SLC27A1: variants seen among roughly 807,000 people sequenced by gnomAD.
SLC27A1 encodes the protein solute carrier family 27 member 1, also known as long-chain fatty acid transport protein 1.
In SLC27A1, 61 loss-of-function variants were observed where a neutral mutation model predicts 62.2. The observed-to-expected ratio is 0.98, with a 90% confidence interval of 0.80 to 1.21. The LOEUF is 1.21. Among genes scored for constraint, SLC27A1 ranks in the 50% most tolerant of loss-of-function variants. The pLI, the probability that SLC27A1 is intolerant of heterozygous loss-of-function variation, is 0.00. For missense variants in SLC27A1, 903 were observed against 932.1 expected (o/e 0.97, Z 0.41); for synonymous variants, 435 against 408.6 (o/e 1.06, Z -0.78).
rs1255636334 is a variant in SLC27A1, at chr19:17,486,714, G to A, written c.319G>A (p.Ala107Thr). ...CGGGACCGGCGAGTGCTGGACCTTT[G>A]CGCAGCTGGACGCCTACTCCAATGC... The part of the protein sequence containing the change: ...DAGTGECWTF[A>T]QLDAYSNAVA... The change falls in exon 2 of 12, where the codon GCG becomes ACG. Residue 107 changes from alanine to threonine, a missense_variant. Physicochemically the swap from Ala to Thr is moderately conservative, Grantham distance 58 (BLOSUM62 0). Transcript: ENST00000252595. The surrounding 1 kb of genome is among the most constrained non-coding windows in gnomAD (Gnocchi z 6.6). The A allele has an allele frequency of 6.2e-7, 1 of 1,612,136 alleles. No homozygotes were observed. Among genetic ancestry groups the A allele is most frequent in the African/African-American group, 1.3e-5 (1 of 74,936 alleles).
chr19:17,500,276 A>G lies in SLC27A1; in HGVS notation c.1207-2A>G. ...CTTCCAACTCAGTTCACCCCATTCC[A>G]GGTCGGCTCCTGTGGTTTCAACAGC... On this transcript the variant is annotated splice_acceptor_variant, in intron 7 of 11. Transcript: ENST00000252595. LOFTEE classifies it high-confidence loss of function. The G allele has an allele frequency of 6.2e-7, 1 of 1,613,562 alleles. No individual in the cohort carries two copies. The highest frequency in any genetic ancestry group is 2.2e-5 in the East Asian group (1 of 44,870).
chr19:17,488,122 G>A (rs2075256334), intron 4 of SLC27A1, among the ~76,000 whole-genome samples: 1 of 152,220 alleles, frequency 6.6e-6, no homozygotes, highest in Non-Finnish European at 1.5e-5. Context: ...ACTTTGGGAG[G>A]CTGAGGCAGG....
At chr19:17,474,348 A>T (rs560900588) in intron 1 of SLC27A1, among the ~76,000 whole-genome samples, 303 of 152,206 alleles carry the variant, frequency 2.0e-3, no homozygotes, top group Non-Finnish European at 3.6e-3. Context: ...CCTGCGCCCC[A>T]CTCAGGATTG....
chr19:17,470,758 G>A lies in SLC27A1; in HGVS notation c.167+51G>A, dbSNP rs7248545. ...GGCTGGGGGCGGGGCTGAGGGCTCT[G>A]GGGGCGCACGGTGCAGGGCTGGGTT... is the stretch of plus-strand genomic sequence containing the variant. On this transcript the variant is annotated intron_variant, in intron 1 of 11. Coordinates refer to ENST00000252595, the MANE Select transcript of SLC27A1 (RefSeq NM_198580.3). 1.1e-4 allele frequency: 162 copies of A among 1,506,338 alleles called. 1 individual carries two copies. In the African/African-American group the frequency reaches 1.7e-3, roughly 16 times the overall value. 93.3% of individuals were successfully genotyped at this position (1,506,338 alleles called of 1,614,324 possible). A position where few individuals can be genotyped will look rare whatever the true frequency, so the allele number is the denominator to read the frequency against.
In SLC27A1 at chr19:17,500,475, G is replaced by T; in HGVS notation, c.1334-20G>T. The T allele has an allele frequency of 1.9e-6, 3 of 1,613,276 alleles. No individual in the cohort carries two copies. The highest frequency in any genetic ancestry group is 2.5e-6 in the Non-Finnish European group (3 of 1,179,546). On this transcript the variant is annotated intron_variant, in intron 8 of 11. Transcript: ENST00000252595. Reference sequence around the variant, plus strand: ...ACGCCCTGCCTGCCTAGCGCAGCCTGAACATGGCCTTCTCCCTAGGGGAGC... The same window carrying T: ...ACGCCCTGCCTGCCTAGCGCAGCCTTAACATGGCCTTCTCCCTAGGGGAGC...
At chr19:17,470,823 T>C (rs2075068913) in intron 1 of SLC27A1, 116 bp downstream of exon 1, 1 of 597,300 alleles carries the variant, frequency 1.7e-6, no homozygotes, top group African/African-American at 2.9e-5. Context: ...TGAGGGTGCT[T>C]TGTAGGTTGG....
rs1221179446 is a variant in SLC27A1 at position 17,486,750 on chromosome 19, C to T, written c.355C>T (p.Leu119Phe). ...CGCCTACTCCAATGCGGTAGCCAACCTCTTCCGCCAGCTGGGCTTCGCGCC... is the reference window on the plus strand; with the variant it reads ...CGCCTACTCCAATGCGGTAGCCAACTTCTTCCGCCAGCTGGGCTTCGCGCC... ...LDAYSNAVAN[L>F]FRQLGFAPGD... The change falls in exon 2 of 12, where the codon CTC becomes TTC. Residue 119 changes from leucine (L) to phenylalanine (F), a missense_variant. Leu to Phe is a conservative substitution (Grantham distance 22). Coordinates refer to ENST00000252595, the MANE Select transcript of SLC27A1 (RefSeq NM_198580.3). This position sits in a 1 kb window ranked among gnomAD's most constrained non-coding sequence, Gnocchi z 6.6. 2.5e-6 allele frequency: 4 copies of T among 1,609,702 alleles called. No individual in the cohort carries two copies. The highest frequency in any genetic ancestry group is 8.5e-7 in the Non-Finnish European group (1 of 1,177,894).
At chr19:17,470,490 T>G (rs1278172543), upstream of SLC27A1, 3 of 1,418,748 alleles carry the variant, frequency 2.1e-6, no homozygotes, top group African/African-American at 1.8e-5. Flanking sequence ...GAGCGGGTCG[T>G]GGGGCGGGGC....
chr19:17,497,546 A>G (rs781468629), intron 7 of SLC27A1, 82 bp downstream of exon 7: 14 of 1,288,218 alleles, frequency 1.1e-5, no homozygotes, highest in Non-Finnish European at 1.4e-5. Flanking sequence ...CCTGGGATAC[A>G]TAAAACAGCC....
At chr19:17,477,861 T>C (rs1008272663) in intron 1 of SLC27A1, among the ~76,000 whole-genome samples, 4 of 151,966 alleles carry the variant, frequency 2.6e-5, no homozygotes, top group African/African-American at 9.7e-5. Flanking sequence ...GCCGCCCACC[T>C]TTTTCTAAAA....
intron 1 of SLC27A1, among the ~76,000 whole-genome samples, chr19:17,485,658 C>T (rs922373876): frequency 1.3e-5 from 2 of 151,554 alleles, no homozygotes; most frequent in African/African-American, 4.8e-5. Context: ...GATGAAACCC[C>T]GTCTCTACTA....
intron 1 of SLC27A1, among the ~76,000 whole-genome samples, chr19:17,478,504 A>C (rs1466946250): frequency 6.6e-6 from 1 of 151,486 alleles, no homozygotes; most frequent in African/African-American, 2.4e-5. Context: ...AAATGCAAAA[A>C]ACATGGCACT....
intron 11 of SLC27A1, among the ~76,000 whole-genome samples, chr19:17,504,224 G>T (rs1264807841): frequency 2.6e-5 from 4 of 152,176 alleles, no homozygotes; most frequent in African/African-American, 4.8e-5. Flanking sequence ...ACCAGGCAGG[G>T]TGTACATTTT....
rs2075233256 is a variant in SLC27A1 at position 17,486,653 on chromosome 19, G to A, written c.258G>A (p.Val86=). Reference sequence around the variant, plus strand: ...TCCCGCGCATCTTTCAGGCGGTAGTGCAGCGACAGCCCGAGCGCCTGGCGC... The same window carrying A: ...TCCCGCGCATCTTTCAGGCGGTAGTACAGCGACAGCCCGAGCGCCTGGCGC... ...HTIPRIFQAV[V]QRQPERLALV... is the part of the protein sequence containing the mutation. Residue 86 remains valine, a synonymous_variant, in exon 2 of 12, where the codon GTG becomes GTA. Coordinates refer to ENST00000252595, the MANE Select transcript of SLC27A1 (RefSeq NM_198580.3). The surrounding 1 kb of genome is among the most constrained non-coding windows in gnomAD (Gnocchi z 6.6). 1.2e-6 allele frequency: 2 copies of A among 1,606,966 alleles called. No individual in the cohort carries two copies. The highest frequency in any genetic ancestry group is 1.7e-6 in the Non-Finnish European group (2 of 1,179,322).
rs1395784336 is a variant in SLC27A1 at position 17,486,545 on chromosome 19, C to T, written c.168-18C>T. ...GGCAGGGCACCAGTGACGCTGTCCC[C>T]TCCGTCCTCCCTCCCAGCGGTCTCT... On this transcript the variant is annotated intron_variant, in intron 1 of 11. Transcript: ENST00000252595. This position sits in a 1 kb window ranked among gnomAD's most constrained non-coding sequence, Gnocchi z 6.6. The T allele has an allele frequency of 2.6e-6, 4 of 1,558,854 alleles. No homozygotes were observed. Among genetic ancestry groups the T allele is most frequent in the Non-Finnish European group, 3.5e-6 (4 of 1,159,148 alleles).
intron 7 of SLC27A1, among the ~76,000 whole-genome samples, 165 bp from the exon 8 acceptor site, chr19:17,500,113 G>A (rs1280345369): frequency 1.3e-5 from 2 of 152,204 alleles, no homozygotes; most frequent in Non-Finnish European, 2.9e-5. Flanking sequence ...GCCCTGAGTT[G>A]GAGGCGACGC....
chr19:17,504,680 G>A lies in SLC27A1; in HGVS notation c.*68G>A, dbSNP rs774103233. 2 of 1,599,300 alleles carry A rather than the reference G, an allele frequency of 1.3e-6. No individual in the cohort carries two copies. The highest frequency in any genetic ancestry group is 2.3e-5 in the East Asian group (1 of 44,308). On this transcript the variant is annotated 3_prime_UTR_variant, in exon 12 of 12. Transcript: ENST00000252595. ...AGGCCAGCTTGAGCCAGACAGCGCT[G>A]CCCAGGGGTGGCCGCCTAGTACACA...
At chr19:17,495,202 T>C (rs1248079293) in intron 6 of SLC27A1, among the ~76,000 whole-genome samples, 1 of 151,902 alleles carries the variant, frequency 6.6e-6, no homozygotes, top group African/African-American at 2.4e-5. Flanking sequence ...CTCGAACTTC[T>C]GACCTGAAGT....
chr19:17,500,622 C>T lies in SLC27A1; in HGVS notation c.1461C>T (p.Ala487=), dbSNP rs2075400365. The change falls in exon 9 of 12, where the codon GCC becomes GCT. Residue 487 remains alanine (A), a synonymous_variant. Transcript: ENST00000252595. ...GCGTCTTCAGCAAGGGCGACAGCGC[C>T]TACCTCTCAGGTGCGCAGCCTGCTA... is the stretch of plus-strand genomic sequence containing the variant. ...AHSVFSKGDS[A]YLSGDVLVMD... is the part of the protein sequence containing the mutation. The T allele has an allele frequency of 2.5e-6, 4 of 1,613,742 alleles. No homozygotes were observed. The highest frequency in any genetic ancestry group is 1.1e-5 in the South Asian group (1 of 91,080).
Sources: gnomAD v4.1 joint callset for allele counts (sites outside exome capture counted in the v4.1 genomes callset) on GRCh38, gnomAD v4.1.1 for gene constraint, Gnocchi (gnomAD v3.1) non-coding constraint, MANE v1.5 for transcripts, NCBI Gene and HGNC (gene_info 2026-07-23, HGNC 2026-07-21) for gene names.